CIT: variants seen among roughly 807,000 people sequenced by gnomAD.
CIT encodes the protein citron rho-interacting serine/threonine kinase.
In CIT, 79 loss-of-function variants were observed where a neutral mutation model predicts 272.7. The ratio of observed to expected loss-of-function variants is 0.29; its 90% CI spans 0.24 to 0.35. CIT has a LOEUF of 0.35. CIT is among the 10% of genes least tolerant of loss of function. CIT has a pLI of 1.00. For missense variants in CIT, 1,909 were observed against 2,618.3 expected, an observed-to-expected ratio of 0.73 and a Z score of 5.91; for synonymous variants, 948 against 995.6, an observed-to-expected ratio of 0.95 and a Z score of 0.90.
intron 12 of CIT, 137 bp from the exon 13 acceptor site, chr12:119,782,774 T>G (rs901978299): frequency 2.2e-5 from 24 of 1,081,270 alleles, no homozygotes; most frequent in East Asian, 7.6e-5. Flanking sequence ...CAACTTCCAG[T>G]TGGTTGCCGA....
Position 119,850,160 on chromosome 12 carries a change from A to C in CIT, c.516+14T>G. 8.8e-6 allele frequency: 13 copies of C among 1,478,754 alleles called. No homozygotes were observed. The highest frequency in any genetic ancestry group is 1.1e-5 in the Non-Finnish European group (12 of 1,057,060). 91.6% of individuals were successfully genotyped at this position (1,478,754 alleles called of 1,614,324 possible). On this transcript the variant is annotated intron_variant, in intron 5 of 47. Transcript: ENST00000392521. ...TGCTAGGCTAATTCCAGAGAGACAG[A>C]TGTAAAGACTCACCAGATAAAGGTG... is the stretch of plus-strand genomic sequence containing the variant.
chr12:119,773,840 G>A lies in CIT; in HGVS notation c.1942-930C>T, dbSNP rs531983245. On this transcript the variant is annotated intron_variant, in intron 16 of 47. Transcript: ENST00000392521. ...AGAGCAGAGTTCTAGATGGAGACACGTGTCCTCTCACAAGCTTTTGGCTAA... is the reference window on the plus strand; with the variant it reads ...AGAGCAGAGTTCTAGATGGAGACACATGTCCTCTCACAAGCTTTTGGCTAA... Among the ~76,000 whole-genome samples the A allele has an allele frequency of 1.3e-4, 20 of 152,304 alleles. 1 individual carries two copies. In the South Asian group the frequency reaches 2.7e-3, roughly 21 times the overall value.
chr12:119,751,287 T>TGA (rs1416225887), intron 23 of CIT, among the ~76,000 whole-genome samples: 1 of 152,124 alleles, frequency 6.6e-6, no homozygotes, highest in East Asian at 1.9e-4. Flanking sequence ...CCCCTTCAAG[T>TGA]TAAGTTGGCA....
Position 119,690,322 on chromosome 12 carries a change from C to T in CIT, c.6015G>A (p.Arg2005=), listed in dbSNP as rs754675960. Residue 2005 remains arginine, a synonymous_variant, in exon 47 of 48, where the codon CGG becomes CGA. Coordinates refer to ENST00000392521, the MANE Select transcript of CIT (RefSeq NM_001206999.2). This position sits in a 1 kb window ranked among gnomAD's most constrained non-coding sequence, Gnocchi z 6.0. ...GAGACTTGTCCCTGCGCAGCTCGGT[C>T]CGCCCCTCGCGGTAGCGGTGGGGTG... ...PSTPHRYREG[R]TELRRDKSPG... The T allele has an allele frequency of 6.3e-6, 10 of 1,595,932 alleles. No individual in the cohort carries two copies. Among genetic ancestry groups the T allele is most frequent in the Non-Finnish European group, 7.6e-6 (9 of 1,177,904 alleles).
chr12:119,713,532 G>A lies in CIT; in HGVS notation c.4423C>T (p.Pro1475Ser), dbSNP rs1957283375. ...CTGGGCTCCTTGGTCTGGAGACCTG[G>A]GGAGTTCATTTTGTCACGGCAGAAG... is the stretch of plus-strand genomic sequence containing the variant. Reference protein sequence around the residue: ...EAFCRDKMNSPGLQTKEPSSS... With the variant: ...EAFCRDKMNSSGLQTKEPSSS... Residue 1475 changes from proline (P) to serine (S), a missense_variant, in exon 34 of 48, where the codon CCA becomes TCA. Coordinates refer to ENST00000392521, the MANE Select transcript of CIT (RefSeq NM_001206999.2). The surrounding 1 kb of genome is among the most constrained non-coding windows in gnomAD (Gnocchi z 5.2). The A allele has an allele frequency of 6.2e-7, 1 of 1,614,096 alleles. No homozygotes were observed. The highest frequency in any genetic ancestry group is 1.3e-5 in the African/African-American group (1 of 74,930).
intron 17 of CIT, among the ~76,000 whole-genome samples, chr12:119,772,016 G>C (rs1254008085): frequency 6.6e-6 from 1 of 152,094 alleles, no homozygotes; most frequent in East Asian, 1.9e-4. Flanking sequence ...TGGAATTTAG[G>C]GGAGCTGGGG....
intron 41 of CIT, among the ~76,000 whole-genome samples, chr12:119,702,899 G>C (rs1565908044): frequency 6.7e-6 from 1 of 150,098 alleles, no homozygotes; most frequent in African/African-American, 2.5e-5. Context: ...TCATCATCAT[G>C]ATCATCATTA....
chr12:119,736,692 C>T (rs1173772171), intron 24 of CIT, among the ~76,000 whole-genome samples: 1 of 152,200 alleles, frequency 6.6e-6, no homozygotes, highest in Non-Finnish European at 1.5e-5. Context: ...TTTGCCATTC[C>T]TAACAGACAC....
At chr12:119,835,253 G>A (rs765974616) in intron 5 of CIT, among the ~76,000 whole-genome samples, 7 of 152,180 alleles carry the variant, frequency 4.6e-5, no homozygotes, top group African/African-American at 1.4e-4. Flanking sequence ...ACTTCACCTC[G>A]CTGCCTTTCA....
rs1958624116 is a variant in CIT at position 119,734,102 on chromosome 12, ACT to A, written c.3350+60_3350+61del. 1.9e-6 allele frequency: 3 copies of A among 1,541,960 alleles called. No individual in the cohort carries two copies. In the Admixed American group the frequency reaches 5.3e-5, roughly 27 times the overall value. On this transcript the variant is annotated intron_variant, in intron 26 of 47. Transcript: ENST00000392521. ...GGAATAGCTGATCACCCTGTCCACA[ACT>A]CTCAGGCCGATCCTCCTGCGGTCAC...
chr12:119,855,654 A>G (rs936671564), intron 4 of CIT, among the ~76,000 whole-genome samples: 1 of 151,826 alleles, frequency 6.6e-6, no homozygotes, highest in Admixed American at 6.6e-5. Flanking sequence ...TTTCTTTTCT[A>G]TGCATCCTCT....
chr12:119,805,798 G>A (rs926698991), intron 9 of CIT, among the ~76,000 whole-genome samples: 19 of 152,104 alleles, frequency 1.2e-4, no homozygotes, highest in Non-Finnish European at 8.8e-5. Flanking sequence ...AGCTTAATGC[G>A]GTTAAGATTA....
intron 9 of CIT, among the ~76,000 whole-genome samples, chr12:119,810,174 GA>G (rs1349706447): frequency 6.6e-6 from 1 of 152,200 alleles, no homozygotes; most frequent in Admixed American, 6.5e-5. Context: ...GGTGCCTGAA[GA>G]GGGGACATTC....
intron 20 of CIT, among the ~76,000 whole-genome samples, chr12:119,759,923 G>A (rs1010126145): frequency 6.6e-6 from 1 of 151,584 alleles, no homozygotes; most frequent in African/African-American, 2.4e-5. Context: ...GCGGTGGCTC[G>A]TACCTGTAAT....
intron 22 of CIT, among the ~76,000 whole-genome samples, chr12:119,753,367 G>A (rs1960501910): frequency 6.6e-6 from 1 of 152,152 alleles, no homozygotes; most frequent in South Asian, 2.1e-4. Context: ...ACTTGCAAAA[G>A]ATGTAACCTG....
chr12:119,811,836 T>C (rs1167208766), intron 9 of CIT, among the ~76,000 whole-genome samples: 1 of 152,194 alleles, frequency 6.6e-6, no homozygotes, highest in Non-Finnish European at 1.5e-5. Flanking sequence ...AGGCTAGAAA[T>C]ACTCAGAAGA....
chr12:119,713,765 C>G lies in CIT; in HGVS notation c.4307-117G>C. The G allele has an allele frequency of 8.9e-7, 1 of 1,124,426 alleles. No individual in the cohort carries two copies. The highest frequency in any genetic ancestry group is 2.4e-5 in the East Asian group (1 of 41,096). The allele number at this position is 1,124,426 out of a possible 1,614,324, so 69.7% of individuals were successfully genotyped here. A position where few individuals can be genotyped will look rare whatever the true frequency, so the allele number is the denominator to read the frequency against. ...CCAGCCGGGCCCAGAGAGTCTGGCC[C>G]TGGCTTGCAGGTAGTCTCCTGAGCT... On this transcript the variant is annotated intron_variant, in intron 33 of 47. Coordinates refer to ENST00000392521, the MANE Select transcript of CIT (RefSeq NM_001206999.2). This position sits in a 1 kb window ranked among gnomAD's most constrained non-coding sequence, Gnocchi z 5.2.
Position 119,734,066 on chromosome 12 carries a change from CA to C in CIT, c.3350+97del, listed in dbSNP as rs1958621088. The C allele has an allele frequency of 3.0e-6, 4 of 1,337,172 alleles. No homozygotes were observed. In the East Asian group the frequency reaches 9.3e-5, roughly 31 times the overall value. 82.8% of individuals were successfully genotyped at this position (1,337,172 alleles called of 1,614,324 possible). ...GAGGCTTGTGACCCAGGAAACTTCT[CA>C]GTCTCGGCGGGAATAGCTGATCACC... is the stretch of plus-strand genomic sequence containing the variant. On this transcript the variant is annotated intron_variant, in intron 26 of 47. Coordinates refer to ENST00000392521, the MANE Select transcript of CIT (RefSeq NM_001206999.2).
At chr12:119,745,373 G>GAAAAAAAAAA (rs1959205778) in intron 23 of CIT, among the ~76,000 whole-genome samples, 6 of 2,238 alleles carry the variant, frequency 2.7e-3, no homozygotes, top group South Asian at 0.011. Context: ...GAAGAAACAA[G>GAAAAAAAAAA]CAAAAAAAAA....
Sources: gnomAD v4.1 joint callset for allele counts (sites outside exome capture counted in the v4.1 genomes callset) on GRCh38, gnomAD v4.1.1 for gene constraint, Gnocchi (gnomAD v3.1) non-coding constraint, MANE v1.5 for transcripts, NCBI Gene and HGNC (gene_info 2026-07-23, HGNC 2026-07-21) for gene names.